IPO11: variants seen among roughly 807,000 people sequenced by gnomAD.
The protein encoded by IPO11 is importin-11.
Under a neutral mutation model 143.2 loss-of-function variants are expected in IPO11, and 66 were observed. The ratio of observed to expected loss-of-function variants is 0.46; its 90% CI spans 0.38 to 0.57. The LOEUF is 0.57. IPO11 is among the 20% of genes least tolerant of loss of function. The pLI, the probability that IPO11 is intolerant of heterozygous loss-of-function variation, is 0.00. For synonymous variants in IPO11, 385 were observed against 377.8 expected (o/e 1.02, Z -0.22); for missense variants, 1,026 against 1,141.0 (o/e 0.90, Z 1.45).
intron 27 of IPO11, among the ~76,000 whole-genome samples, chr5:62,588,178 G>A (rs1744872135): frequency 6.6e-6 from 1 of 150,736 alleles, no homozygotes; most frequent in African/African-American, 2.4e-5. Flanking sequence ...CTAATATCCT[G>A]TCTTATTATA....
At chr5:62,496,442 G>A (rs146834209) in intron 16 of IPO11, among the ~76,000 whole-genome samples, 22 of 152,110 alleles carry the variant, frequency 1.4e-4, no homozygotes, top group African/African-American at 4.6e-4. Context: ...ACGTTTACTT[G>A]TTTTGCATAT....
intron 15 of IPO11, among the ~76,000 whole-genome samples, chr5:62,491,606 T>A (rs183440082): frequency 6.6e-6 from 1 of 152,292 alleles, no homozygotes; most frequent in African/African-American, 2.4e-5. Flanking sequence ...GTAAAATATT[T>A]ATTGATTACA....
chr5:62,544,729 A>G (rs1156627509), intron 24 of IPO11, among the ~76,000 whole-genome samples: 2 of 152,206 alleles, frequency 1.3e-5, no homozygotes, highest in African/African-American at 4.8e-5. Context: ...AATCTCCTTA[A>G]GCTGATAAGC....
intron 24 of IPO11, among the ~76,000 whole-genome samples, chr5:62,543,080 TG>T (rs1392583886): frequency 5.1e-5 from 7 of 138,062 alleles, no homozygotes; most frequent in African/African-American, 2.0e-4. Flanking sequence ...AATCACAAAG[TG>T]GTGAATAATT....
chr5:62,489,272 C>T, intron 13 of IPO11, 30 bp from the exon 14 acceptor site: 1 of 1,305,892 alleles, frequency 7.7e-7, no homozygotes, highest in Non-Finnish European at 1.0e-6. Flanking sequence ...TTTGCTTTTA[C>T]TGATACCTAT....
chr5:62,619,532 C>G (rs1225229045), intron 29 of IPO11, among the ~76,000 whole-genome samples: 3 of 152,086 alleles, frequency 2.0e-5, no homozygotes. Context: ...AATATTATGT[C>G]TTTACCATGA....
At chr5:62,526,426 T>C (rs2112305939) in intron 21 of IPO11, 169 bp downstream of exon 21, 7 of 513,296 alleles carry the variant, frequency 1.4e-5, no homozygotes, top group South Asian at 1.2e-4. Context: ...TCAATCAGTG[T>C]AGGATTATAG....
chr5:62,472,745 T>C (rs1745826731), intron 7 of IPO11, among the ~76,000 whole-genome samples: 1 of 152,056 alleles, frequency 6.6e-6, no homozygotes, highest in Admixed American at 6.6e-5. Flanking sequence ...GCCAGGCTGG[T>C]CTCGAACTCC....
intron 1 of IPO11, among the ~76,000 whole-genome samples, chr5:62,417,341 T>TGG: frequency 6.8e-6 from 1 of 146,870 alleles, no homozygotes; most frequent in African/African-American, 2.5e-5. Context: ...TTTTTTTTTT[T>TGG]TTTTTTGGTA....
At chr5:62,603,884 G>C (rs1745601122) in intron 29 of IPO11, among the ~76,000 whole-genome samples, 1 of 152,234 alleles carries the variant, frequency 6.6e-6, no homozygotes, top group Non-Finnish European at 1.5e-5. Context: ...GGTCCGATAA[G>C]ATAATGATAC....
chr5:62,513,414 ACCC>A (rs566338445), intron 19 of IPO11, among the ~76,000 whole-genome samples: 2 of 51,020 alleles, frequency 3.9e-5, no homozygotes, highest in African/African-American at 6.6e-5. Flanking sequence ...GGGGGCGCTG[ACCC>A]CCCCCCCACC....
At chr5:62,414,397 C>CTG (rs1453512145) in intron 1 of IPO11, among the ~76,000 whole-genome samples, 3 of 151,956 alleles carry the variant, frequency 2.0e-5, no homozygotes, top group East Asian at 1.9e-4. Context: ...ATATTTGTAC[C>CTG]TGTGTGTGTG....
intron 16 of IPO11, among the ~76,000 whole-genome samples, chr5:62,500,067 T>A (rs1390881536): frequency 6.6e-6 from 1 of 152,198 alleles, no homozygotes; most frequent in Non-Finnish European, 1.5e-5. Context: ...GGCAAATTGC[T>A]TGAGCCCAGG....
chr5:62,574,424 G>A (rs1361093419), intron 27 of IPO11, among the ~76,000 whole-genome samples: 1 of 152,134 alleles, frequency 6.6e-6, no homozygotes, highest in Non-Finnish European at 1.5e-5. Context: ...GGATTTGCAC[G>A]AAAGAGAAAT....
intron 27 of IPO11, among the ~76,000 whole-genome samples, chr5:62,586,962 T>A (rs1353267254): frequency 6.6e-6 from 1 of 151,288 alleles, no homozygotes; most frequent in Non-Finnish European, 1.5e-5. Flanking sequence ...TCAAACCAAG[T>A]GTTTTTATTC....
At chr5:62,581,979 GAA>G (rs1398514655) in intron 27 of IPO11, among the ~76,000 whole-genome samples, 1 of 152,176 alleles carries the variant, frequency 6.6e-6, no homozygotes, top group Non-Finnish European at 1.5e-5. Context: ...GTTAACAGAA[GAA>G]AACCTGCTGC....
chr5:62,440,796 T>C (rs1285183454), intron 2 of IPO11, among the ~76,000 whole-genome samples: 3 of 151,942 alleles, frequency 2.0e-5, no homozygotes, highest in South Asian at 4.2e-4. Flanking sequence ...AAGCCCGTCT[T>C]TGCTAAAAAC....
intron 15 of IPO11, among the ~76,000 whole-genome samples, chr5:62,491,546 G>A (rs976008846): frequency 5.9e-5 from 9 of 151,962 alleles, no homozygotes; most frequent in Non-Finnish European, 1.2e-4. Flanking sequence ...GTGCAACTGA[G>A]GCAACAACTT....
chr5:62,586,857 A>G (rs1744814518), intron 27 of IPO11, among the ~76,000 whole-genome samples: 2 of 147,618 alleles, frequency 1.4e-5, no homozygotes, highest in African/African-American at 2.5e-5. Flanking sequence ...TCCGATATCT[A>G]CAATGGTGCT....
Sources: allele counts gnomAD v4.1 joint callset (sites outside exome capture counted in the v4.1 genomes callset), GRCh38; gene constraint gnomAD v4.1.1; transcripts MANE v1.5; gene names NCBI Gene and HGNC (gene_info 2026-07-23, HGNC 2026-07-21).